AGBL4: variants seen among roughly 807,000 people sequenced by gnomAD.
AGBL4 encodes the protein AGBL carboxypeptidase 4, also known as cytosolic carboxypeptidase 6.
Under a neutral mutation model 66.4 loss-of-function variants are expected in AGBL4, and 58 were observed. The ratio of observed to expected loss-of-function variants is 0.87; its 90% CI spans 0.71 to 1.09. The LOEUF is 1.09. AGBL4 is among the 50% of genes least tolerant of loss of function. AGBL4 has a pLI of 0.00. For synonymous variants in AGBL4, 234 were observed against 222.9 expected, an observed-to-expected ratio of 1.05 and a Z score of -0.44; for missense variants, 579 against 631.0, an observed-to-expected ratio of 0.92 and a Z score of 0.88.
At chr1:49,757,595 T>A (rs1651985762) in intron 2 of AGBL4, among the ~76,000 whole-genome samples, 1 of 152,170 alleles carries the variant, frequency 6.6e-6, no homozygotes, top group South Asian at 2.1e-4. Flanking sequence ...GAAGTCCAGG[T>A]TGAGGTGGTC....
intron 4 of AGBL4, among the ~76,000 whole-genome samples, chr1:49,154,825 C>G (rs1220374834): frequency 2.6e-5 from 4 of 152,026 alleles, no homozygotes; most frequent in African/African-American, 9.7e-5. Context: ...TAGCTGAAAA[C>G]TTAATTGCTC....
intron 3 of AGBL4, among the ~76,000 whole-genome samples, chr1:49,668,529 A>G (rs745476287): frequency 2.7e-4 from 41 of 152,300 alleles, no homozygotes; most frequent in Admixed American, 2.0e-3. Context: ...TCTTTCCTCT[A>G]CCTGCTAATA....
chr1:49,635,092 A>C (rs1359231576), intron 3 of AGBL4, among the ~76,000 whole-genome samples: 1 of 152,218 alleles, frequency 6.6e-6, no homozygotes, highest in Admixed American at 6.5e-5. Flanking sequence ...AAATCAGCAA[A>C]GCTTTGAGCA....
intron 6 of AGBL4, among the ~76,000 whole-genome samples, chr1:48,787,701 C>T (rs1645441665): frequency 6.6e-6 from 1 of 152,060 alleles, no homozygotes; most frequent in Non-Finnish European, 1.5e-5. Context: ...TCAGGCACAC[C>T]TCTATTATCA....
intron 11 of AGBL4, among the ~76,000 whole-genome samples, chr1:48,566,106 A>G (rs1331991179): frequency 6.6e-6 from 1 of 152,196 alleles, no homozygotes; most frequent in Non-Finnish European, 1.5e-5. Flanking sequence ...CCTACGATCT[A>G]AAACTCGAAA....
chr1:48,793,124 A>G (rs1219488884), intron 6 of AGBL4, among the ~76,000 whole-genome samples: 2 of 152,154 alleles, frequency 1.3e-5, no homozygotes, highest in African/African-American at 4.8e-5. Flanking sequence ...CACTTGGCAC[A>G]AGCTCTGAAC....
At chr1:49,304,270 G>T (rs1448374007) in intron 3 of AGBL4, among the ~76,000 whole-genome samples, 1 of 152,152 alleles carries the variant, frequency 6.6e-6, no homozygotes, top group Non-Finnish European at 1.5e-5. Context: ...TCGAAGATCA[G>T]ATGGTTGCAG....
chr1:49,932,629 AC>A (rs1366256072), intron 1 of AGBL4, among the ~76,000 whole-genome samples: 3 of 152,022 alleles, frequency 2.0e-5, no homozygotes, highest in African/African-American at 7.2e-5. Flanking sequence ...ATATATAACA[AC>A]CCCTCAAAAC....
At chr1:49,550,579 C>G (rs753624554) in intron 3 of AGBL4, among the ~76,000 whole-genome samples, 1 of 152,140 alleles carries the variant, frequency 6.6e-6, no homozygotes, top group African/African-American at 2.4e-5. Flanking sequence ...TTGCTGGATA[C>G]AAAATTCTTG....
chr1:48,868,136 G>T (rs1367455135), intron 5 of AGBL4, among the ~76,000 whole-genome samples: 1 of 152,038 alleles, frequency 6.6e-6, no homozygotes, highest in African/African-American at 2.4e-5. Context: ...AAATAGTATT[G>T]GAAATCTCTG....
intron 3 of AGBL4, among the ~76,000 whole-genome samples, chr1:49,534,062 A>G (rs915578266): frequency 1.3e-5 from 2 of 151,764 alleles, no homozygotes; most frequent in Admixed American, 1.3e-4. Context: ...CACCAATTGA[A>G]TAAACATTTC....
chr1:49,331,232 G>A (rs748741475), intron 3 of AGBL4, among the ~76,000 whole-genome samples: 1 of 152,044 alleles, frequency 6.6e-6, no homozygotes, highest in Non-Finnish European at 1.5e-5. Flanking sequence ...AAGGCGGGAG[G>A]TCTGCACATA....
chr1:49,600,892 G>A (rs1644945186), intron 3 of AGBL4, among the ~76,000 whole-genome samples: 1 of 152,070 alleles, frequency 6.6e-6, no homozygotes, highest in African/African-American at 2.4e-5. Flanking sequence ...TGCTTATGAA[G>A]TTAGTTTGGC....
chr1:49,331,639 C>A lies in AGBL4; in HGVS notation c.283-85775G>T, dbSNP rs895804452. 2.6e-5 allele frequency among the ~76,000 whole-genome samples: 4 copies of A among 151,390 alleles called. No homozygotes were observed. The South Asian group carries it at 8.4e-4, about 32-fold the overall frequency. On this transcript the variant is annotated intron_variant, in intron 3 of 13. Transcript: ENST00000371839. ...AGCCACCCGGCCTGTATTCTAGCGA[C>A]AGAACTCTGATCTCTCCCTGGGACG... is the stretch of plus-strand genomic sequence containing the variant.
At chr1:49,315,665 G>A (rs1457011089) in intron 3 of AGBL4, among the ~76,000 whole-genome samples, 1 of 152,098 alleles carries the variant, frequency 6.6e-6, no homozygotes, top group Non-Finnish European at 1.5e-5. Flanking sequence ...TCTGATGAGA[G>A]TGCCAAATAG....
chr1:48,937,030 T>A (rs1357662111), intron 5 of AGBL4, among the ~76,000 whole-genome samples: 1 of 152,202 alleles, frequency 6.6e-6, no homozygotes, highest in Non-Finnish European at 1.5e-5. Context: ...AAACATATCA[T>A]CCAATCTTCT....
chr1:49,939,531 C>T (rs1478362154), intron 1 of AGBL4, among the ~76,000 whole-genome samples: 102 of 151,418 alleles, frequency 6.7e-4, no homozygotes, highest in African/African-American at 2.2e-3. Flanking sequence ...CAGAACAGAG[C>T]CCTCAGAAAT....
At chr1:48,993,176 C>T (rs1248467645) in intron 5 of AGBL4, among the ~76,000 whole-genome samples, 1 of 152,130 alleles carries the variant, frequency 6.6e-6, no homozygotes, top group African/African-American at 2.4e-5. Flanking sequence ...TTATTCAGGG[C>T]CACGGGCTCT....
chr1:48,571,560 T>C (rs1644564260), intron 11 of AGBL4, among the ~76,000 whole-genome samples: 1 of 152,250 alleles, frequency 6.6e-6, no homozygotes, highest in African/African-American at 2.4e-5. Flanking sequence ...GCTGAAGGAA[T>C]GCTCTTGAAG....
Sources: allele counts gnomAD v4.1 joint callset (sites outside exome capture counted in the v4.1 genomes callset), GRCh38; gene constraint gnomAD v4.1.1; transcripts MANE v1.5; gene names NCBI Gene and HGNC (gene_info 2026-07-23, HGNC 2026-07-21).